LOC112694756: variants seen among roughly 807,000 people sequenced by gnomAD.
chr16:30,067,873 A>G, the LOC112694756 span: 1 of 633,318 alleles, frequency 1.6e-6, no homozygotes, highest in Non-Finnish European at 2.8e-6. Context: ...TCAGAAGCTC[A>G]GGGAAGTGAA....
At chr16:30,055,412 T>A in the LOC112694756 span, 1 of 398,904 alleles carries the variant, frequency 2.5e-6, no homozygotes, top group African/African-American at 2.1e-5. Context: ...ACAACATTTA[T>A]TACTGAGCAC....
At chr16:30,068,596 T>A in the LOC112694756 span, 1 of 1,596,918 alleles carries the variant, frequency 6.3e-7, no homozygotes, top group East Asian at 2.2e-5. Context: ...GTGGAAAGGG[T>A]GCTAGAGGTC....
chr16:30,055,354 C>T, the LOC112694756 span: 4 of 399,112 alleles, frequency 1.0e-5, no homozygotes, highest in Admixed American at 1.3e-4. Context: ...CCCCCTGCCC[C>T]ACTGAGCCCT....
chr16:30,058,704 G>T, the LOC112694756 span, among the ~76,000 whole-genome samples: 2 of 151,944 alleles, frequency 1.3e-5, no homozygotes, highest in African/African-American at 2.4e-5. Context: ...GGATGGTCTT[G>T]ATCTCCTGAC....
the LOC112694756 span, chr16:30,068,080 T>A: frequency 4.2e-6 from 1 of 237,582 alleles, no homozygotes; most frequent in African/African-American, 2.4e-5. Flanking sequence ...TTTTTTTTTT[T>A]TTGAGATGGA....
chr16:30,059,148 A>C, the LOC112694756 span: 1 of 394,752 alleles, frequency 2.5e-6, no homozygotes, highest in Admixed American at 4.4e-5. Flanking sequence ...TTCTCATATG[A>C]TTCTGATGCA....
chr16:30,060,615 GA>G, the LOC112694756 span, among the ~76,000 whole-genome samples: 5 of 152,134 alleles, frequency 3.3e-5, no homozygotes, highest in African/African-American at 9.7e-5. Flanking sequence ...AGAGAGCCAA[GA>G]AATGCTTTTA....
the LOC112694756 span, chr16:30,069,196 C>G: frequency 7.1e-7 from 1 of 1,399,974 alleles, no homozygotes; most frequent in South Asian, 1.2e-5. Context: ...GGCTTTGAAG[C>G]CTGAGTCCCT....
chr16:30,055,776 C>T, the LOC112694756 span, among the ~76,000 whole-genome samples: 3 of 151,646 alleles, frequency 2.0e-5, no homozygotes, highest in East Asian at 1.9e-4. Context: ...TGGGTCCTCC[C>T]GTCTCCTCCC....
At chr16:30,068,547 G>A in the LOC112694756 span, 7 of 1,369,842 alleles carry the variant, frequency 5.1e-6, no homozygotes, top group African/African-American at 5.7e-5. Flanking sequence ...AGGCTTCAGT[G>A]AGCTGAGATT....
At chr16:30,068,876 C>G in the LOC112694756 span, 1 of 1,614,234 alleles carries the variant, frequency 6.2e-7, no homozygotes, top group South Asian at 1.1e-5. Flanking sequence ...CTGACTTCGC[C>G]AAGTGGCGTT....
chr16:30,068,503 TGAGGC>T, the LOC112694756 span: 1 of 897,796 alleles, frequency 1.1e-6, no homozygotes, highest in African/African-American at 2.0e-5. Flanking sequence ...CCTAGGAGGC[TGAGGC>T]GGGAGGATCA....
the LOC112694756 span, chr16:30,069,515 A>G: frequency 6.2e-6 from 10 of 1,613,962 alleles, no homozygotes; most frequent in Non-Finnish European, 7.6e-6. Flanking sequence ...GCTGCTGTCT[A>G]CAAGGCTCTG....
chr16:30,069,781 T>G, the LOC112694756 span: 2 of 1,613,100 alleles, frequency 1.2e-6, no homozygotes, highest in East Asian at 2.2e-5. Context: ...TCCTGCCAGC[T>G]TCCTGGGTCT....
chr16:30,065,120 G>A, the LOC112694756 span, among the ~76,000 whole-genome samples: 5 of 152,194 alleles, frequency 3.3e-5, no homozygotes, highest in Admixed American at 6.5e-5. Flanking sequence ...AGCCCGGCCT[G>A]CCAGCCTGGA....
chr16:30,064,588 G>A, the LOC112694756 span: 510 of 398,456 alleles, frequency 1.3e-3, 2 homozygotes, highest in African/African-American at 9.1e-3. Flanking sequence ...CCCCACGATA[G>A]TGTGAATGTC....
chr16:30,069,249 T>G, the LOC112694756 span: 1 of 1,569,064 alleles, frequency 6.4e-7, no homozygotes, highest in Non-Finnish European at 8.8e-7. Context: ...TGTGGAGAGA[T>G]GTAGGTGGGA....
chr16:30,066,967 T>C, the LOC112694756 span: 1 of 1,553,086 alleles, frequency 6.4e-7, no homozygotes, highest in East Asian at 2.4e-5. Context: ...GGCCTTTTCC[T>C]TTCCCCCAGT....
chr16:30,066,330 G>A, the LOC112694756 span: 1 of 152,518 alleles, frequency 6.6e-6, no homozygotes, highest in South Asian at 2.0e-4. Context: ...CCTTCGCGAG[G>A]AGGGAAACCC....
Sources: allele counts gnomAD v4.1 joint callset (sites outside exome capture counted in the v4.1 genomes callset), GRCh38; gene constraint gnomAD v4.1.1; transcripts MANE v1.5.